GTF2F2: variants seen among roughly 807,000 people sequenced by gnomAD.
GTF2F2 encodes ATP-dependent helicase GTF2F2.
A neutral mutation model predicts 42.2 loss-of-function variants in GTF2F2; 23 were observed. That is an observed-to-expected ratio of 0.55 (90% CI 0.39 to 0.77). The LOEUF is 0.77. Ranked by LOEUF, GTF2F2 falls within the 30% of genes least tolerant of loss-of-function variation. The pLI, the probability that GTF2F2 is intolerant of heterozygous loss-of-function variation, is 0.00. For missense variants in GTF2F2, 261 were observed against 287.2 expected, an observed-to-expected ratio of 0.91 and a Z score of 0.66; for synonymous variants, 105 against 100.8, an observed-to-expected ratio of 1.04 and a Z score of -0.25.
At chr13:45,265,166 G>A (rs1876511757) in intron 6 of GTF2F2, among the ~76,000 whole-genome samples, 1 of 152,002 alleles carries the variant, frequency 6.6e-6, no homozygotes, top group South Asian at 2.1e-4. Context: ...GGCTGAGGCA[G>A]GAAAATCACT....
intron 1 of GTF2F2, among the ~76,000 whole-genome samples, chr13:45,127,563 A>G (rs1869090222): frequency 6.7e-6 from 1 of 149,702 alleles, no homozygotes; most frequent in East Asian, 2.0e-4. Flanking sequence ...TCCTGGACTC[A>G]AGCAGTCTAC....
At chr13:45,255,376 G>A (rs1318141963) in intron 6 of GTF2F2, among the ~76,000 whole-genome samples, 1 of 152,132 alleles carries the variant, frequency 6.6e-6, no homozygotes, top group Non-Finnish European at 1.5e-5. Context: ...GTGAACTGGA[G>A]TGCACATGAC....
chr13:45,194,306 G>A (rs772651748), intron 4 of GTF2F2: 5 of 1,614,170 alleles, frequency 3.1e-6, no homozygotes, highest in Non-Finnish European at 8.5e-7. Flanking sequence ...TTTAGGACAT[G>A]CCTGAAGAGG....
intron 6 of GTF2F2, among the ~76,000 whole-genome samples, chr13:45,255,166 CAA>C (rs55795620): frequency 0.048 from 3,658 of 75,922 alleles, 66 homozygotes; most frequent in African/African-American, 0.14. Context: ...GACTTTGTCT[CAA>C]AAAAAAAAAA....
intron 7 of GTF2F2, among the ~76,000 whole-genome samples, chr13:45,274,501 G>C (rs1876943221): frequency 6.6e-6 from 1 of 151,342 alleles, no homozygotes; most frequent in Non-Finnish European, 1.5e-5. Flanking sequence ...TAATTTTTTT[G>C]TATAATTTTA....
At chr13:45,281,497 A>G (rs756182892) in intron 7 of GTF2F2, among the ~76,000 whole-genome samples, 1 of 152,276 alleles carries the variant, frequency 6.6e-6, no homozygotes, top group Non-Finnish European at 1.5e-5. Flanking sequence ...TAAGGACTCA[A>G]AGATCCTAGA....
Position 45,133,689 on chromosome 13 carries a change from C to T in GTF2F2, c.67-3044C>T, listed in dbSNP as rs866989053. Among the ~76,000 whole-genome samples the T allele has an allele frequency of 7.2e-5, 11 of 152,332 alleles. No homozygotes were observed. The South Asian group carries it at 1.0e-3, about 14-fold the overall frequency. ...ACCTAGATAATGGACATCTGGGCTG[C>T]ATGGCAATGGTCATGTGTAATCCTG... On this transcript the variant is annotated intron_variant, in intron 1 of 7. Transcript: ENST00000340473.
At chr13:45,194,436 G>A (rs1872787653) in intron 4 of GTF2F2, 7 of 1,614,182 alleles carry the variant, frequency 4.3e-6, no homozygotes, top group Non-Finnish European at 5.9e-6. Flanking sequence ...TTTGAGTAAT[G>A]TATAAATATC....
chr13:45,189,526 A>G (rs749102573), intron 4 of GTF2F2, among the ~76,000 whole-genome samples: 2 of 152,232 alleles, frequency 1.3e-5, no homozygotes, highest in African/African-American at 2.4e-5. Flanking sequence ...CCAACAGTGT[A>G]AAAGCATTCC....
At chr13:45,198,792 A>G (rs1873032812) in intron 4 of GTF2F2, among the ~76,000 whole-genome samples, 1 of 150,734 alleles carries the variant, frequency 6.6e-6, no homozygotes, top group African/African-American at 2.4e-5. Context: ...TACTTGCTTC[A>G]TTGCCTCTTG....
Position 45,136,802 on chromosome 13 carries a change from G to T in GTF2F2, c.136G>T (p.Ala46Ser). 1 of 1,550,092 alleles carries T rather than the reference G, an allele frequency of 6.5e-7. No individual in the cohort carries two copies. The highest frequency in any genetic ancestry group is 8.9e-7 in the Non-Finnish European group (1 of 1,122,786). The change falls in exon 2 of 8, where the codon GCC (alanine) becomes TCC (serine). Residue 46 changes from alanine (A) to serine (S), a missense_variant. By Grantham distance (99) the Ala-to-Ser change is moderately conservative. Transcript: ENST00000340473. Reference protein sequence around the residue: ...GRGEVGKLRIAKTQGRTEVSF... With the variant: ...GRGEVGKLRISKTQGRTEVSF... ...AGGTGAAGTTGGGAAACTGCGGATT[G>T]CCAAGTAAGTTATTTACATATTCTT...
At chr13:45,263,970 T>C (rs1431684675) in intron 6 of GTF2F2, 1 of 154,350 alleles carries the variant, frequency 6.5e-6, no homozygotes, top group Non-Finnish European at 1.4e-5. Context: ...AGTTTGTCAC[T>C]GACTTGTGTT....
At chr13:45,149,029 A>T (rs1251145503) in intron 2 of GTF2F2, among the ~76,000 whole-genome samples, 1 of 152,284 alleles carries the variant, frequency 6.6e-6, no homozygotes, top group African/African-American at 2.4e-5. Flanking sequence ...TTTGTTAGGT[A>T]AATGAAACCT....
chr13:45,147,188 C>T (rs1301885546), intron 2 of GTF2F2, among the ~76,000 whole-genome samples: 1 of 152,140 alleles, frequency 6.6e-6, no homozygotes, highest in Admixed American at 6.5e-5. Flanking sequence ...TCCTATGCTG[C>T]CCACTTCCAG....
chr13:45,274,796 A>C (rs1037233731), intron 7 of GTF2F2, among the ~76,000 whole-genome samples: 2 of 152,062 alleles, frequency 1.3e-5, no homozygotes, highest in African/African-American at 4.8e-5. Context: ...CACAAAAATT[A>C]GCCAGGCATG....
intron 5 of GTF2F2, among the ~76,000 whole-genome samples, chr13:45,212,535 TCA>T (rs1369345994): frequency 3.8e-5 from 4 of 105,076 alleles, no homozygotes; most frequent in African/African-American, 1.2e-4. Flanking sequence ...TCTCTCTTTC[TCA>T]CTTTCTCTCT....
chr13:45,230,606 A>G (rs1874625350), intron 5 of GTF2F2, among the ~76,000 whole-genome samples: 1 of 152,236 alleles, frequency 6.6e-6, no homozygotes, highest in South Asian at 2.1e-4. Flanking sequence ...ATAGTCTGGT[A>G]GTTTTATGAA....
At position 45,128,113 on chromosome 13, in the gene GTF2F2, A is replaced by C. The variant is rs573803828; in HGVS notation, c.66+7392A>C. Among the ~76,000 whole-genome samples, 6 of 146,568 alleles carry C rather than the reference A, an allele frequency of 4.1e-5. No individual in the cohort carries two copies. The East Asian group carries it at 1.3e-3, about 31-fold the overall frequency. ...GTAGCTGAGACTACAGGTGCCCGCC[A>C]CCATGCCCGGCTAATTTTTTGTATT... On this transcript the variant is annotated intron_variant, in intron 1 of 7. Transcript: ENST00000340473.
chr13:45,194,610 AT>A (rs1302028845), intron 4 of GTF2F2: 8 of 1,552,866 alleles, frequency 5.2e-6, no homozygotes, highest in Non-Finnish European at 7.0e-6. Flanking sequence ...TGGCTTTGAG[AT>A]TTTTTAAAAA....
Sources: allele counts gnomAD v4.1 joint callset (sites outside exome capture counted in the v4.1 genomes callset), GRCh38; gene constraint gnomAD v4.1.1; transcripts MANE v1.5; gene names NCBI Gene and HGNC (gene_info 2026-07-23, HGNC 2026-07-21).